RASGEF1C: variants seen among roughly 807,000 people sequenced by gnomAD.
RASGEF1C encodes ras-GEF domain-containing family member 1C.
In RASGEF1C, 27 loss-of-function variants were observed where a neutral mutation model predicts 58.1. That is an observed-to-expected ratio of 0.46 (90% CI 0.34 to 0.64). The LOEUF is 0.64. RASGEF1C is among the 30% of genes least tolerant of loss of function. The probability of loss-of-function intolerance (pLI) is 0.01; values close to 1 mark genes in which losing one functional copy is unlikely to be tolerated. For synonymous variants in RASGEF1C, 243 were observed against 246.3 expected (o/e 0.99, Z 0.13); for missense variants, 502 against 605.1 (o/e 0.83, Z 1.79).
chr5:180,116,942 G>A (rs1201937806), intron 10 of RASGEF1C, among the ~76,000 whole-genome samples: 2 of 152,244 alleles, frequency 1.3e-5, no homozygotes, highest in Non-Finnish European at 2.9e-5. Flanking sequence ...GACTAGTGAG[G>A]TCTCCCGCCC....
chr5:180,149,368 T>C (rs7737102), intron 1 of RASGEF1C, among the ~76,000 whole-genome samples: 151,956 of 151,958 alleles, frequency 1, 75,977 homozygotes, highest in Middle Eastern at 1. Flanking sequence ...TTACAGGTTA[T>C]AGGTGTGAGC....
chr5:180,121,678 CACACCCT>C (rs1766179306), intron 6 of RASGEF1C, among the ~76,000 whole-genome samples: 1 of 34,284 alleles, frequency 2.9e-5, no homozygotes, highest in Admixed American at 3.7e-4. Context: ...CACACACACA[CACACCCT>C]CATTATTCCT....
At chr5:180,186,970 C>A (rs1756055196) in intron 1 of RASGEF1C, among the ~76,000 whole-genome samples, 1 of 151,530 alleles carries the variant, frequency 6.6e-6, no homozygotes, top group Admixed American at 6.6e-5. Context: ...AACAAACAAA[C>A]AAAACAAAAA....
intron 1 of RASGEF1C, among the ~76,000 whole-genome samples, chr5:180,202,264 G>A (rs1409491308): frequency 1.3e-5 from 2 of 151,990 alleles, no homozygotes; most frequent in Admixed American, 1.3e-4. Flanking sequence ...GAATACAGAT[G>A]AAAAACAGAT....
At chr5:180,145,996 T>C (rs1363228720) in intron 1 of RASGEF1C, among the ~76,000 whole-genome samples, 2 of 152,262 alleles carry the variant, frequency 1.3e-5, no homozygotes, top group African/African-American at 4.8e-5. Flanking sequence ...ATTCGGTAGG[T>C]TATCTTTTTA....
At chr5:180,183,469 AC>A (rs1755950164) in intron 1 of RASGEF1C, among the ~76,000 whole-genome samples, 1 of 138,392 alleles carries the variant, frequency 7.2e-6, no homozygotes, top group South Asian at 2.6e-4. Flanking sequence ...ATAAAAAAAA[AC>A]CCAATTAATT....
At chr5:180,109,994 G>A (rs751161175) in intron 12 of RASGEF1C, among the ~76,000 whole-genome samples, 53 of 152,186 alleles carry the variant, frequency 3.5e-4, no homozygotes, top group Non-Finnish European at 6.8e-4. Context: ...GGATAAATCT[G>A]TGTTGTTTTG....
At chr5:180,182,119 G>A (rs1375229917) in intron 1 of RASGEF1C, among the ~76,000 whole-genome samples, 2 of 149,714 alleles carry the variant, frequency 1.3e-5, no homozygotes, top group African/African-American at 2.5e-5. Flanking sequence ...GCAGGAGAAT[G>A]GCGGGAACCC....
At chr5:180,208,977 C>T in intron 1 of RASGEF1C, 51 bp downstream of exon 1, 1 of 147,404 alleles carries the variant, frequency 6.8e-6, no homozygotes, top group Non-Finnish European at 1.5e-5. Context: ...CCCCCGCGAG[C>T]CCGCGCCCTT....
intron 11 of RASGEF1C, among the ~76,000 whole-genome samples, chr5:180,113,783 G>GGGATGGATGGAGGAACCGA (rs1561731447): frequency 2.1e-4 from 32 of 150,702 alleles, no homozygotes; most frequent in African/African-American, 1.5e-4. Flanking sequence ...GGAGGGATTG[G>GGGATGGATGGAGGAACCGA]GGATGGATGG....
intron 12 of RASGEF1C, among the ~76,000 whole-genome samples, chr5:180,103,496 A>C (rs910140080): frequency 6.6e-6 from 1 of 152,172 alleles, no homozygotes; most frequent in African/African-American, 2.4e-5. Context: ...GCACATGTTT[A>C]TTGCTCATAC....
intron 10 of RASGEF1C, among the ~76,000 whole-genome samples, chr5:180,118,088 C>T (rs1399007937): frequency 4.6e-5 from 7 of 151,562 alleles, no homozygotes; most frequent in Non-Finnish European, 8.8e-5. Flanking sequence ...TAAATGTGAT[C>T]TGAGGCCACA....
intron 1 of RASGEF1C, among the ~76,000 whole-genome samples, chr5:180,149,414 G>A (rs1187908906): frequency 1.3e-5 from 2 of 150,192 alleles, no homozygotes; most frequent in Non-Finnish European, 3.0e-5. Flanking sequence ...GTTTCCGTGG[G>A]AAATTTCTTG....
rs751076977 is a variant in RASGEF1C at position 180,143,717 on chromosome 5, G to A, written c.-6-5659C>T. 3.0e-4 allele frequency among the ~76,000 whole-genome samples: 45 copies of A among 152,216 alleles called. No individual in the cohort carries two copies. Among genetic ancestry groups the A allele is most frequent in the Non-Finnish European group, 5.3e-4 (36 of 68,040 alleles). Reference sequence around the variant, plus strand: ...AAAGCCACTGATGGGGCCACACAGTGAGTTAAAGCACAGTTAGAAATGACA... The same window carrying A: ...AAAGCCACTGATGGGGCCACACAGTAAGTTAAAGCACAGTTAGAAATGACA... On this transcript the variant is annotated intron_variant, in intron 1 of 13. Coordinates refer to ENST00000361132, the MANE Select transcript of RASGEF1C (RefSeq NM_175062.4). This position sits in a 1 kb window ranked among gnomAD's most constrained non-coding sequence, Gnocchi z 4.3.
In RASGEF1C at chr5:180,194,148, C is replaced by G. The variant is rs917125203; in HGVS notation, c.-7+14880G>C. Among the ~76,000 whole-genome samples, 4 of 152,308 alleles carry G rather than the reference C, an allele frequency of 2.6e-5. 1 individual carries two copies. In the South Asian group the frequency reaches 6.2e-4, roughly 24 times the overall value. ...CAGAGAGCAGGACCACTGGGCCTTC[C>G]TCCCTGTGTGAGCCGGACGGGGAGG... On this transcript the variant is annotated intron_variant, in intron 1 of 13. Coordinates refer to ENST00000361132, the MANE Select transcript of RASGEF1C (RefSeq NM_175062.4).
At chr5:180,118,352 C>T (rs1221211066) in intron 10 of RASGEF1C, among the ~76,000 whole-genome samples, 5 of 109,764 alleles carry the variant, frequency 4.6e-5, no homozygotes, top group Admixed American at 1.6e-4. Flanking sequence ...ACTCGTGTGG[C>T]CCCCCAAGAA....
intron 1 of RASGEF1C, among the ~76,000 whole-genome samples, chr5:180,174,628 G>C (rs4700906): frequency 0.3 from 45,829 of 150,288 alleles, 7,933 homozygotes; most frequent in East Asian, 0.43. Context: ...CTGTGTGTGT[G>C]TGTGTGTGTG....
intron 10 of RASGEF1C, chr5:180,115,293 A>T (rs1407613884): frequency 4.6e-6 from 2 of 435,852 alleles, no homozygotes. Context: ...TCCTTTTTAA[A>T]AAAAAAAAAA....
rs1766840438 is a variant in RASGEF1C at position 180,155,859 on chromosome 5, G to T, written c.-6-17801C>A. On this transcript the variant is annotated intron_variant, in intron 1 of 13. Coordinates refer to ENST00000361132, the MANE Select transcript of RASGEF1C (RefSeq NM_175062.4). The surrounding 1 kb of genome is among the most constrained non-coding windows in gnomAD (Gnocchi z 5.2). ...TCCCTTCAGGAACTTCTCCCCGTTG[G>T]CTGAAGCCTGAGTCAGGGTGGGAAC... is the stretch of plus-strand genomic sequence containing the variant. 6.6e-6 allele frequency among the ~76,000 whole-genome samples: 1 copy of T among 152,116 alleles called. No individual in the cohort carries two copies. Among genetic ancestry groups the T allele is most frequent in the Non-Finnish European group, 1.5e-5 (1 of 68,028 alleles).
Sources: gnomAD v4.1 joint callset for allele counts (sites outside exome capture counted in the v4.1 genomes callset) on GRCh38, gnomAD v4.1.1 for gene constraint, Gnocchi (gnomAD v3.1) non-coding constraint, MANE v1.5 for transcripts, NCBI Gene and HGNC (gene_info 2026-07-23, HGNC 2026-07-21) for gene names.